Variants in METTL15 observed in about 807,000 individuals in gnomAD.
METTL15 encodes methyltransferase 15, mitochondrial 12S rRNA N4-cytidine.
A neutral mutation model predicts 38.3 loss-of-function variants in METTL15; 34 were observed. That is an observed-to-expected ratio of 0.89 (90% CI 0.68 to 1.18). The LOEUF (loss-of-function observed/expected upper bound fraction) is 1.18. METTL15 is among the 50% of genes most tolerant of loss of function. The probability of loss-of-function intolerance (pLI) is 0.00; values close to 1 mark genes in which losing one functional copy is unlikely to be tolerated. For synonymous variants in METTL15, 162 were observed against 170.9 expected (o/e 0.95, Z 0.41); for missense variants, 438 against 498.4 (o/e 0.88, Z 1.15).
intron 4 of METTL15, among the ~76,000 whole-genome samples, chr11:28,217,572 AT>A (rs1339967110): frequency 6.6e-6 from 1 of 152,008 alleles, no homozygotes; most frequent in African/African-American, 2.4e-5. Context: ...ATTAGATCCC[AT>A]TTGTCAATTT....
chr11:28,140,651 A>G (rs940072816), intron 3 of METTL15, among the ~76,000 whole-genome samples: 1 of 152,182 alleles, frequency 6.6e-6, no homozygotes, highest in Non-Finnish European at 1.5e-5. Flanking sequence ...TGTGGACATC[A>G]AAGAGTGAGT....
chr11:28,500,008 ATT>A (rs11325215), intron 6 of METTL15, among the ~76,000 whole-genome samples: 176 of 145,018 alleles, frequency 1.2e-3, no homozygotes, highest in African/African-American at 1.6e-3. Context: ...TGGAATTGCT[ATT>A]TTTTTTTTTT....
chr11:28,456,656 G>T (rs1399561378), intron 6 of METTL15, among the ~76,000 whole-genome samples: 1 of 152,122 alleles, frequency 6.6e-6, no homozygotes, highest in Non-Finnish European at 1.5e-5. Flanking sequence ...TGGCCAGGCT[G>T]GTCCCGAACT....
chr11:28,243,211 A>T (rs1041232122), intron 4 of METTL15, among the ~76,000 whole-genome samples: 2 of 152,270 alleles, frequency 1.3e-5, no homozygotes, highest in Non-Finnish European at 2.9e-5. Flanking sequence ...TGTTGCCGTC[A>T]TTGATGTAAG....
intron 5 of METTL15, among the ~76,000 whole-genome samples, chr11:28,392,929 G>T (rs1850527043): frequency 6.6e-6 from 1 of 151,860 alleles, no homozygotes; most frequent in South Asian, 2.1e-4. Context: ...TCATTAGGGT[G>T]ATACAAATCA....
intron 4 of METTL15, among the ~76,000 whole-genome samples, chr11:28,356,011 T>C (rs886698922): frequency 2.6e-5 from 4 of 152,214 alleles, no homozygotes; most frequent in Admixed American, 1.3e-4. Flanking sequence ...GTTGCACGTG[T>C]TGTCTCTCTA....
At chr11:28,525,337 G>A (rs530933917) in intron 6 of METTL15, among the ~76,000 whole-genome samples, 1 of 152,280 alleles carries the variant, frequency 6.6e-6, no homozygotes, top group East Asian at 1.9e-4. Flanking sequence ...GCTGATTGGT[G>A]CATTTACAAT....
At chr11:28,412,495 G>A (rs1850736983) in intron 5 of METTL15, among the ~76,000 whole-genome samples, 1 of 151,692 alleles carries the variant, frequency 6.6e-6, no homozygotes, top group Non-Finnish European at 1.5e-5. Context: ...ATATAATTAA[G>A]GTGATACATA....
chr11:28,214,795 T>C, intron 4 of METTL15, among the ~76,000 whole-genome samples: 1 of 152,268 alleles, frequency 6.6e-6, no homozygotes, highest in East Asian at 1.9e-4. Flanking sequence ...TACTGAATAG[T>C]TAAAAACTCC....
intron 3 of METTL15, among the ~76,000 whole-genome samples, chr11:28,190,497 CTTATTTTAGAA>C (rs1007967906): frequency 1.3e-4 from 19 of 151,018 alleles, no homozygotes; most frequent in Non-Finnish European, 2.1e-4. Context: ...ATGTTTTTAT[CTTATTTTAGAA>C]TTATTTTAGA....
At chr11:28,326,868 C>A (rs1849652871) in intron 6 of METTL15, among the ~76,000 whole-genome samples, 2 of 152,092 alleles carry the variant, frequency 1.3e-5, no homozygotes, top group Admixed American at 1.3e-4. Flanking sequence ...CACTTGCCTG[C>A]CTTAGCCTCC....
At chr11:28,378,103 CT>C (rs1402159857) in intron 5 of METTL15, among the ~76,000 whole-genome samples, 2 of 152,128 alleles carry the variant, frequency 1.3e-5, no homozygotes, top group African/African-American at 4.8e-5. Flanking sequence ...TTACTGCTGT[CT>C]TTTTGTTTGT....
At chr11:28,320,397 C>T (rs1849424730) in intron 6 of METTL15, among the ~76,000 whole-genome samples, 1 of 151,686 alleles carries the variant, frequency 6.6e-6, no homozygotes, top group Non-Finnish European at 1.5e-5. Context: ...TATCTCTACA[C>T]AAAAATTTAA....
chr11:28,359,088 C>T (rs1274569352), intron 4 of METTL15, among the ~76,000 whole-genome samples: 5 of 152,180 alleles, frequency 3.3e-5, no homozygotes, highest in Non-Finnish European at 5.9e-5. Flanking sequence ...TCTTCACCCT[C>T]TCCCTACTCT....
intron 6 of METTL15, among the ~76,000 whole-genome samples, chr11:28,328,686 G>A (rs1032437843): frequency 6.6e-6 from 1 of 151,942 alleles, no homozygotes; most frequent in Non-Finnish European, 1.5e-5. Context: ...TATGCCAGTG[G>A]TTATAAGCTT....
At chr11:28,140,572 T>C (rs553519012) in intron 3 of METTL15, among the ~76,000 whole-genome samples, 22 of 152,202 alleles carry the variant, frequency 1.4e-4, no homozygotes, top group Non-Finnish European at 2.2e-4. Context: ...CCCAAAATGA[T>C]GAAGGGTTTT....
intron 3 of METTL15, chr11:28,123,862 C>A: frequency 6.8e-7 from 1 of 1,464,248 alleles, no homozygotes; most frequent in Non-Finnish European, 9.2e-7. Context: ...TTCTGGCAAG[C>A]AAAAGAAGTA....
intron 3 of METTL15, among the ~76,000 whole-genome samples, chr11:28,132,394 G>A (rs1287027145): frequency 6.6e-6 from 1 of 151,964 alleles, no homozygotes; most frequent in East Asian, 1.9e-4. Context: ...ATAATTTTAT[G>A]TGAGAAAAAT....
chr11:28,353,562 A>G (rs1488823777), intron 4 of METTL15, among the ~76,000 whole-genome samples: 1 of 152,216 alleles, frequency 6.6e-6, no homozygotes, highest in Non-Finnish European at 1.5e-5. Flanking sequence ...GGTAAGAGGT[A>G]TAATCTTTGT....
Sources: allele counts gnomAD v4.1 joint callset (sites outside exome capture counted in the v4.1 genomes callset), GRCh38; gene constraint gnomAD v4.1.1; transcripts MANE v1.5; gene names NCBI Gene and HGNC (gene_info 2026-07-23, HGNC 2026-07-21).